ATAD2: variants seen among roughly 807,000 people sequenced by gnomAD.
The protein encoded by ATAD2 is ATPase family AAA domain containing 2.
A neutral mutation model predicts 168.9 loss-of-function variants in ATAD2; 62 were observed. The ratio of observed to expected loss-of-function variants is 0.37; its 90% CI spans 0.30 to 0.45. The LOEUF (loss-of-function observed/expected upper bound fraction) is 0.45, where lower values mean the gene tolerates loss of function less well. Ranked by LOEUF, ATAD2 falls within the 20% of genes least tolerant of loss-of-function variation. The probability of loss-of-function intolerance (pLI) is 1.00; values close to 1 mark genes in which losing one functional copy is unlikely to be tolerated. For missense variants in ATAD2, 1,419 were observed against 1,667.8 expected, an observed-to-expected ratio of 0.85 and a Z score of 2.60; for synonymous variants, 613 against 571.6, an observed-to-expected ratio of 1.07 and a Z score of -1.03.
At chr8:123,327,049 C>T (rs1444866491) in intron 25 of ATAD2, among the ~76,000 whole-genome samples, 2 of 152,098 alleles carry the variant, frequency 1.3e-5, no homozygotes, top group Admixed American at 6.6e-5. Context: ...GTTGGGACTA[C>T]AGGCGTTAGC....
intron 13 of ATAD2, chr8:123,352,500 T>G (rs1053435690): frequency 6.6e-6 from 1 of 152,212 alleles, no homozygotes; most frequent in Non-Finnish European, 1.5e-5. Flanking sequence ...ATTGGTGTTT[T>G]GTCAAAGAAA....
Position 123,368,168 on chromosome 8 carries a change from A to T in ATAD2, c.1049+890T>A, listed in dbSNP as rs1036230303. ...TGTGGTGGCACACACCTGTAATCCC[A>T]GCACTTTGGGAAGCTGAGGCGAGTG... On this transcript the variant is annotated intron_variant, in intron 8 of 27. Coordinates refer to ENST00000287394, the MANE Select transcript of ATAD2 (RefSeq NM_014109.4). 2.6e-4 allele frequency among the ~76,000 whole-genome samples: 40 copies of T among 152,316 alleles called. 1 individual carries two copies. Among genetic ancestry groups the T allele is most frequent in the African/African-American group, 8.9e-4 (37 of 41,576 alleles).
rs539744604 is a variant in ATAD2 at position 123,368,491 on chromosome 8, A to G, written c.1049+567T>C. On this transcript the variant is annotated intron_variant, in intron 8 of 27. Coordinates refer to ENST00000287394, the MANE Select transcript of ATAD2 (RefSeq NM_014109.4). ...ATCTCTTTGGACTTAAATTTGACCA[A>G]TGAACAACTGTTGGGATGTAGAAGG... is the stretch of plus-strand genomic sequence containing the variant. Among the ~76,000 whole-genome samples the G allele has an allele frequency of 9.8e-5, 15 of 152,316 alleles. No individual in the cohort carries two copies. The South Asian group carries it at 2.9e-3, about 29-fold the overall frequency.
intron 8 of ATAD2, among the ~76,000 whole-genome samples, chr8:123,366,896 TA>T (rs77797973): frequency 1.6e-4 from 23 of 146,414 alleles, no homozygotes; most frequent in Non-Finnish European, 2.4e-4. Flanking sequence ...ATAAAAAATT[TA>T]AAAAAAAAAG....
At chr8:123,340,150 A>G (rs1828024712) in intron 19 of ATAD2, among the ~76,000 whole-genome samples, 2 of 152,174 alleles carry the variant, frequency 1.3e-5, no homozygotes. Flanking sequence ...CTGGCCTCCC[A>G]AAGTGCTACA....
At chr8:123,377,690 T>C (rs1482103972) in intron 2 of ATAD2, among the ~76,000 whole-genome samples, 1 of 152,214 alleles carries the variant, frequency 6.6e-6, no homozygotes, top group Admixed American at 6.5e-5. Flanking sequence ...TTGCTATATA[T>C]ACTGCTGTGT....
chr8:123,406,894 A>G (rs1813075561), intron 1 of ATAD2, among the ~76,000 whole-genome samples: 3 of 152,112 alleles, frequency 2.0e-5, no homozygotes, highest in Admixed American at 2.0e-4. Context: ...GCCCCCATAA[A>G]GGATATAAAC....
intron 1 of ATAD2, chr8:123,401,634 G>A (rs546493780): frequency 2.4e-5 from 22 of 934,302 alleles, no homozygotes; most frequent in African/African-American, 8.1e-5. Context: ...GAGTATGCCC[G>A]GCACTTTGGT....
intron 1 of ATAD2, among the ~76,000 whole-genome samples, chr8:123,389,999 GA>G (rs1446126471): frequency 1.8e-5 from 1 of 54,466 alleles, no homozygotes; most frequent in Non-Finnish European, 4.1e-5. Context: ...TTTTTTTTTA[GA>G]CAGAGTCTTG....
intron 1 of ATAD2, among the ~76,000 whole-genome samples, chr8:123,406,092 G>A (rs1444011381): frequency 1.3e-5 from 2 of 152,066 alleles, no homozygotes; most frequent in Non-Finnish European, 2.9e-5. Context: ...AAACATGAAG[G>A]CAGCCTGGGC....
chr8:123,347,586 T>C (rs1828292734), intron 15 of ATAD2, among the ~76,000 whole-genome samples, 180 bp from the exon 16 acceptor site: 1 of 152,152 alleles, frequency 6.6e-6, no homozygotes, highest in South Asian at 2.1e-4. Context: ...AGGGTAGTAA[T>C]GGCCATCAAC....
intron 1 of ATAD2, among the ~76,000 whole-genome samples, chr8:123,414,987 T>C (rs1029338832): frequency 7.2e-5 from 11 of 152,218 alleles, no homozygotes; most frequent in Admixed American, 3.9e-4. Flanking sequence ...AATTGTATTT[T>C]TGTTGTATAG....
chr8:123,346,025 C>T, intron 18 of ATAD2, 61 bp downstream of exon 18: 4 of 1,291,614 alleles, frequency 3.1e-6, no homozygotes, highest in Non-Finnish European at 4.1e-6. Context: ...AAAAATGGGG[C>T]AATTTTAGCT....
At chr8:123,376,772 C>T (rs908326954) in intron 2 of ATAD2, among the ~76,000 whole-genome samples, 1 of 151,258 alleles carries the variant, frequency 6.6e-6, no homozygotes, top group Non-Finnish European at 1.5e-5. Flanking sequence ...GCCTGGGTAA[C>T]ATGGTGAGAC....
intron 15 of ATAD2, 103 bp from the exon 16 acceptor site, chr8:123,347,509 C>G (rs9297666): frequency 0.61 from 706,014 of 1,153,780 alleles, 220,079 homozygotes; most frequent in Non-Finnish European, 0.65. Context: ...AAAAATCAGC[C>G]TCGGAATATA....
chr8:123,396,112 G>A, intron 1 of ATAD2, 75 bp downstream of exon 1: 1 of 1,455,114 alleles, frequency 6.9e-7, no homozygotes, highest in African/African-American at 1.5e-5. Flanking sequence ...CCCACCCCCA[G>A]GCCCCTCCGA....
At position 123,346,279 on chromosome 8, in the gene ATAD2, G is replaced by A; in HGVS notation, c.2346-7C>T. 3.2e-6 allele frequency: 5 copies of A among 1,576,066 alleles called. No individual in the cohort carries two copies. Among genetic ancestry groups the A allele is most frequent in the Non-Finnish European group, 4.3e-6 (5 of 1,163,952 alleles). ...AGGTTGGTAACAAGCATTTCTGAAA[G>A]AGAAATGATTAATAAGCTATGTTTT... On this transcript the variant is annotated splice_region_variant and splice_polypyrimidine_tract_variant and intron_variant, in intron 17 of 27. Transcript: ENST00000287394.
chr8:123,402,386 C>G lies in ATAD2; in HGVS notation c.-2281-1211G>C, dbSNP rs1301510708. Reference sequence around the variant, plus strand: ...ACGCCTGCTTCAGGTCTTGCTGCAGCCTGCTGCAGCCTGGCCCCCACCCCA... The same window carrying G: ...ACGCCTGCTTCAGGTCTTGCTGCAGGCTGCTGCAGCCTGGCCCCCACCCCA... On this transcript the variant is annotated intron_variant, in intron 1 of 28. Coordinates refer to the ATAD2 transcript ENST00000521903. The surrounding 1 kb of genome is among the most constrained non-coding windows in gnomAD (Gnocchi z 4.8). Among the ~76,000 whole-genome samples, 2 of 151,948 alleles carry G rather than the reference C, an allele frequency of 1.3e-5. No individual in the cohort carries two copies. The highest frequency in any genetic ancestry group is 2.9e-5 in the Non-Finnish European group (2 of 67,960).
chr8:123,413,283 C>G (rs1813189684), intron 1 of ATAD2, among the ~76,000 whole-genome samples: 1 of 147,632 alleles, frequency 6.8e-6, no homozygotes, highest in African/African-American at 2.5e-5. Context: ...GCCCAAATTA[C>G]CTCTGCACAA....
Sources: gnomAD v4.1 joint callset for allele counts (sites outside exome capture counted in the v4.1 genomes callset) on GRCh38, gnomAD v4.1.1 for gene constraint, Gnocchi (gnomAD v3.1) non-coding constraint, MANE v1.5 for transcripts, NCBI Gene and HGNC (gene_info 2026-07-23, HGNC 2026-07-21) for gene names.